Variants in CNTNAP4 observed in about 807,000 individuals in gnomAD.
CNTNAP4 encodes contactin associated protein family member 4, also known as contactin-associated protein-like 4.
In CNTNAP4, 98 loss-of-function variants were observed where a neutral mutation model predicts 148.4. The observed-to-expected ratio is 0.66, with a 90% CI of 0.56 to 0.78. The LOEUF is 0.78. Among genes scored for constraint, CNTNAP4 ranks in the 30% least tolerant of loss-of-function variants. The pLI is 0.00. For synonymous variants in CNTNAP4, 730 were observed against 565.1 expected (o/e 1.29, Z -4.14); for missense variants, 1,935 against 1,565.6 (o/e 1.24, Z -3.98).
chr16:76,310,845 C>G (rs1961020675), intron 1 of CNTNAP4, among the ~76,000 whole-genome samples: 2 of 151,562 alleles, frequency 1.3e-5, no homozygotes, highest in Non-Finnish European at 2.9e-5. Flanking sequence ...CTTGTTTCAA[C>G]AAAGTACTGG....
chr16:76,387,149 T>G (rs938075655), intron 3 of CNTNAP4, among the ~76,000 whole-genome samples: 2 of 152,204 alleles, frequency 1.3e-5, no homozygotes, highest in Non-Finnish European at 2.9e-5. Flanking sequence ...GTTTGTGTTG[T>G]TTTTACCCAC....
chr16:76,517,285 C>A, intron 15 of CNTNAP4, among the ~76,000 whole-genome samples: 1 of 152,100 alleles, frequency 6.6e-6, no homozygotes, highest in East Asian at 1.9e-4. Flanking sequence ...TGTTCTGCCT[C>A]TTAGCGTCAG....
At chr16:76,534,268 G>T (rs1261860718) in intron 17 of CNTNAP4, among the ~76,000 whole-genome samples, 1 of 152,144 alleles carries the variant, frequency 6.6e-6, no homozygotes, top group African/African-American at 2.4e-5. Context: ...TCTTTGTGCT[G>T]GATATACAGT....
intron 3 of CNTNAP4, among the ~76,000 whole-genome samples, chr16:76,363,590 A>C (rs529962545): frequency 1.4e-4 from 22 of 152,360 alleles, no homozygotes; most frequent in African/African-American, 5.3e-4. Flanking sequence ...TTGGTAATGC[A>C]TAAATATTTT....
At chr16:76,427,361 A>G in intron 3 of CNTNAP4, 91 bp from the exon 4 acceptor site, 1 of 1,030,312 alleles carries the variant, frequency 9.7e-7, no homozygotes, top group South Asian at 1.9e-5. Context: ...AGTAAAATGC[A>G]GATCACACAT....
intron 2 of CNTNAP4, among the ~76,000 whole-genome samples, chr16:76,331,893 A>G (rs773536881): frequency 8.5e-5 from 13 of 152,168 alleles, no homozygotes; most frequent in Non-Finnish European, 1.5e-5. Flanking sequence ...TTCCTGTTGG[A>G]CAGGCCTACA....
chr16:76,448,062 G>C lies in CNTNAP4; in HGVS notation c.589G>C (p.Asp197His), dbSNP rs201690243. 2 of 1,613,508 alleles carry C rather than the reference G, an allele frequency of 1.2e-6. No homozygotes were observed. Among genetic ancestry groups the C allele is most frequent in the Non-Finnish European group, 1.7e-6 (2 of 1,179,726 alleles). The part of the protein sequence containing the change: ...DGKSSLLYRF[D>H]QKSLSPIKDI... ...AAAAAGTTCCCTTCTCTACAGATTT[G>C]ATCAAAAATCCCTGAGCCCAATAAA... Residue 197 changes from aspartate to histidine, a missense_variant, in exon 5 of 24, where the codon GAT (aspartate) becomes CAT (histidine). Transcript: ENST00000611870.
At chr16:76,292,100 A>G (rs1245335437) in intron 1 of CNTNAP4, among the ~76,000 whole-genome samples, 1 of 152,146 alleles carries the variant, frequency 6.6e-6, no homozygotes, top group African/African-American at 2.4e-5. Context: ...GTAGTAGTAT[A>G]TGGCTCCCTT....
intron 1 of CNTNAP4, among the ~76,000 whole-genome samples, chr16:76,296,824 G>T (rs1959356153): frequency 6.6e-6 from 1 of 152,178 alleles, no homozygotes; most frequent in Non-Finnish European, 1.5e-5. Context: ...CAAGCATTGA[G>T]AAGAGCTGAA....
intron 3 of CNTNAP4, among the ~76,000 whole-genome samples, chr16:76,391,834 T>C (rs2017024940): frequency 6.6e-6 from 1 of 152,186 alleles, no homozygotes; most frequent in South Asian, 2.1e-4. Context: ...TTCAGACGTC[T>C]TGAGTCAGAA....
At chr16:76,480,020 G>C (rs368695965) in intron 12 of CNTNAP4, among the ~76,000 whole-genome samples, 1 of 152,050 alleles carries the variant, frequency 6.6e-6, no homozygotes, top group East Asian at 1.9e-4. Flanking sequence ...ATAAAGACCA[G>C]AAAACTTTAC....
At chr16:76,548,665 C>T (rs950146823) in intron 21 of CNTNAP4, among the ~76,000 whole-genome samples, 2 of 152,150 alleles carry the variant, frequency 1.3e-5, no homozygotes, top group East Asian at 2.0e-4. Flanking sequence ...CAGGCACAAA[C>T]ACCCAGAAAT....
In CNTNAP4 at chr16:76,354,411, TG is replaced by T. The variant is rs540592667; in HGVS notation, c.197-906del. Among the ~76,000 whole-genome samples, 25 of 152,246 alleles carry T rather than the reference TG, an allele frequency of 1.6e-4. No individual in the cohort carries two copies. The South Asian group carries it at 4.6e-3, about 28-fold the overall frequency. ...ACTTCTTTGAACATACATCACAACTTGTATTCTTTACTTCTGAGTGATCAAG... is the reference window on the plus strand; with the variant it reads ...ACTTCTTTGAACATACATCACAACTTTATTCTTTACTTCTGAGTGATCAAG... On this transcript the variant is annotated intron_variant, in intron 2 of 23. Transcript: ENST00000611870.
intron 1 of CNTNAP4, among the ~76,000 whole-genome samples, chr16:76,280,370 T>C (rs1275930393): frequency 6.6e-6 from 1 of 152,158 alleles, no homozygotes; most frequent in Admixed American, 6.5e-5. Flanking sequence ...ACATATATGT[T>C]CACATATATG....
chr16:76,452,687 G>C lies in CNTNAP4; in HGVS notation c.1251G>C (p.Gly417=). The C allele has an allele frequency of 1.9e-6, 3 of 1,613,588 alleles. No homozygotes were observed. The highest frequency in any genetic ancestry group is 1.7e-6 in the Non-Finnish European group (2 of 1,179,736). Reference sequence around the variant, plus strand: ...TCAGTGAACTTCAGCTGATTTCAGGGGGTATCCTCCTCTTTCTGAGTGATG... The same window carrying C: ...TCAGTGAACTTCAGCTGATTTCAGGCGGTATCCTCCTCTTTCTGAGTGATG... ...LLFSELQLIS[G]GILLFLSDGK... The change falls in exon 8 of 24, where the codon GGG becomes GGC. Residue 417 remains glycine (G), a synonymous_variant. Coordinates refer to ENST00000611870, the MANE Select transcript of CNTNAP4 (RefSeq NM_033401.5).
chr16:76,390,883 G>GGAAAA (rs913856564), intron 3 of CNTNAP4, among the ~76,000 whole-genome samples: 1 of 151,282 alleles, frequency 6.6e-6, no homozygotes, highest in Non-Finnish European at 1.5e-5. Context: ...ATTTTTTGTG[G>GGAAAA]GTACATAATT....
intron 2 of CNTNAP4, among the ~76,000 whole-genome samples, chr16:76,336,493 C>G (rs989816640): frequency 1.3e-5 from 2 of 152,172 alleles, no homozygotes; most frequent in African/African-American, 4.8e-5. Context: ...CTGATCAGAA[C>G]TTATCACTCA....
At chr16:76,287,059 C>T (rs984639600) in intron 1 of CNTNAP4, among the ~76,000 whole-genome samples, 1 of 152,144 alleles carries the variant, frequency 6.6e-6, no homozygotes, top group Non-Finnish European at 1.5e-5. Context: ...AAACTTCATG[C>T]TCACATACAG....
intron 3 of CNTNAP4, among the ~76,000 whole-genome samples, chr16:76,356,688 T>C (rs1259558943): frequency 6.6e-6 from 1 of 152,330 alleles, no homozygotes; most frequent in East Asian, 1.9e-4. Flanking sequence ...GAAAATGGGT[T>C]ACTTAATGAA....
Sources: allele counts gnomAD v4.1 joint callset (sites outside exome capture counted in the v4.1 genomes callset), GRCh38; gene constraint gnomAD v4.1.1; transcripts MANE v1.5; gene names NCBI Gene and HGNC (gene_info 2026-07-23, HGNC 2026-07-21).